CCDC12: variants seen among roughly 807,000 people sequenced by gnomAD.
The protein encoded by CCDC12 is coiled-coil domain containing 12.
In CCDC12, 28 loss-of-function variants were observed where a neutral mutation model predicts 25.7. The ratio of observed to expected loss-of-function variants is 1.09; its 90% CI spans 0.81 to 1.50. CCDC12 has a LOEUF of 1.50. CCDC12 is among the 40% of genes most tolerant of loss of function. CCDC12 has a pLI of 0.00. For missense variants in CCDC12, 198 were observed against 210.0 expected (o/e 0.94, Z 0.35); for synonymous variants, 75 against 87.7 (o/e 0.86, Z 0.81).
intron 1 of CCDC12, among the ~76,000 whole-genome samples, chr3:46,948,852 T>C (rs2034006475): frequency 6.6e-6 from 1 of 152,222 alleles, no homozygotes; most frequent in African/African-American, 2.4e-5. Flanking sequence ...CTATTCTTGC[T>C]GCAAGTGCTC....
upstream of CCDC12, among the ~76,000 whole-genome samples, chr3:46,980,789 A>C (rs2035276475): frequency 1.3e-5 from 2 of 152,118 alleles, no homozygotes; most frequent in African/African-American, 4.8e-5. Flanking sequence ...TTCTGTACCC[A>C]CAGCAGGGAG....
rs537347046 is a variant in CCDC12 at position 46,963,882 on chromosome 3, T to C, written c.96+12755A>G. ...CAGCCTCTGCTCGGCCGCCACCCCATCTGGGAAGTGAGGAGCATCTCTGCC... is the reference window on the plus strand; with the variant it reads ...CAGCCTCTGCTCGGCCGCCACCCCACCTGGGAAGTGAGGAGCATCTCTGCC... On this transcript the variant is annotated intron_variant, in intron 1 of 6. Transcript: ENST00000683445. 5.1e-3 allele frequency among the ~76,000 whole-genome samples: 779 copies of C among 152,330 alleles called. 4 individuals are homozygous for C. Among genetic ancestry groups the C allele is most frequent in the African/African-American group, 0.018 (746 of 41,568 alleles).
chr3:46,935,033 G>A (rs2033388619), intron 2 of CCDC12, among the ~76,000 whole-genome samples: 1 of 152,264 alleles, frequency 6.6e-6, no homozygotes, highest in African/African-American at 2.4e-5. Flanking sequence ...GGACTCAAGG[G>A]TTTGGGCACT....
At chr3:46,965,190 T>G (rs1424336945) in intron 1 of CCDC12, among the ~76,000 whole-genome samples, 3 of 152,220 alleles carry the variant, frequency 2.0e-5, no homozygotes, top group Non-Finnish European at 4.4e-5. Context: ...CAAATTCTTT[T>G]GTTGCAAAAG....
rs568157356 is a variant in CCDC12, at chr3:46,927,214, G to A, written c.165-1679C>T. On this transcript the variant is annotated intron_variant, in intron 2 of 6. Transcript: ENST00000683445. ...AGAAGGCCCAGAGATACCCCACCCCGTCCCCCATCCTTGAACACCTGCCTC... is the reference window on the plus strand; with the variant it reads ...AGAAGGCCCAGAGATACCCCACCCCATCCCCCATCCTTGAACACCTGCCTC... Among the ~76,000 whole-genome samples the A allele has an allele frequency of 3.5e-4, 54 of 152,176 alleles. No individual in the cohort carries two copies. The South Asian group carries it at 0.01, about 29-fold the overall frequency.
intron 1 of CCDC12, among the ~76,000 whole-genome samples, chr3:46,967,528 C>T (rs1278813765): frequency 6.6e-6 from 1 of 152,204 alleles, no homozygotes; most frequent in African/African-American, 2.4e-5. Context: ...CCTCCATCCC[C>T]GTCTCAGAAC....
chr3:46,976,416 C>T lies in CCDC12; in HGVS notation c.96+221G>A, dbSNP rs1259668056. Reference sequence around the variant, plus strand: ...GGGTCGCTGACCACTGCCTTGCCCACCCCCGCGCATGCGCGACGACCGCAC... The same window carrying T: ...GGGTCGCTGACCACTGCCTTGCCCATCCCCGCGCATGCGCGACGACCGCAC... On this transcript the variant is annotated intron_variant, in intron 1 of 6. Coordinates refer to ENST00000683445, the MANE Select transcript of CCDC12 (RefSeq NM_001277074.2). The T allele has an allele frequency of 4.9e-6, 7 of 1,416,348 alleles. No homozygotes were observed. The African/African-American group carries it at 1.0e-4, about 20-fold the overall frequency. The allele number at this position is 1,416,348 out of a possible 1,614,324, so 87.7% of individuals were successfully genotyped here.
intron 3 of CCDC12, chr3:46,925,073 T>C (rs1459840426): frequency 1.1e-5 from 4 of 376,246 alleles, no homozygotes; most frequent in South Asian, 6.1e-5. Flanking sequence ...GACTGGCCCC[T>C]GTCTCTGACC....
chr3:46,974,416 G>A (rs1433240056), intron 1 of CCDC12, among the ~76,000 whole-genome samples: 4 of 152,050 alleles, frequency 2.6e-5, no homozygotes, highest in African/African-American at 7.2e-5. Context: ...TCCTTCCCTG[G>A]CAATGGGCTC....
chr3:46,922,140 C>T lies in CCDC12; in HGVS notation c.419-1G>A. ...TCTTCCTGGCCTTTCAGCCTTTCACCTGGGATGGATGGCAGACAGAAGGGG... is the reference window on the plus strand; with the variant it reads ...TCTTCCTGGCCTTTCAGCCTTTCACTTGGGATGGATGGCAGACAGAAGGGG... On this transcript the variant is annotated splice_acceptor_variant, in intron 6 of 6. Transcript: ENST00000683445. LOFTEE classifies it high-confidence loss of function. The T allele has an allele frequency of 3.1e-6, 5 of 1,614,280 alleles. No homozygotes were observed. The highest frequency in any genetic ancestry group is 4.2e-6 in the Non-Finnish European group (5 of 1,180,048).
chr3:46,950,638 A>G (rs1215215608), intron 1 of CCDC12, among the ~76,000 whole-genome samples: 1 of 152,294 alleles, frequency 6.6e-6, no homozygotes, highest in South Asian at 2.1e-4. Context: ...ATGTAACAAC[A>G]TTCATGTGAA....
intron 1 of CCDC12, among the ~76,000 whole-genome samples, chr3:46,964,073 G>A (rs1212866936): frequency 6.6e-5 from 10 of 150,440 alleles, no homozygotes; most frequent in East Asian, 3.9e-4. Flanking sequence ...CCGCCGCCCC[G>A]TCTGGGATGT....
upstream of CCDC12, among the ~76,000 whole-genome samples, chr3:46,978,912 G>A (rs1005917828): frequency 6.6e-6 from 1 of 152,208 alleles, no homozygotes; most frequent in Non-Finnish European, 1.5e-5. Context: ...GAACCCAGGA[G>A]GCGGAGATTG....
At chr3:46,977,265 G>C (rs1471484633), upstream of CCDC12, among the ~76,000 whole-genome samples, 1 of 152,180 alleles carries the variant, frequency 6.6e-6, no homozygotes, top group Non-Finnish European at 1.5e-5. Context: ...ACGAGGTCAG[G>C]AGATGGAGAC....
intron 1 of CCDC12, among the ~76,000 whole-genome samples, chr3:46,960,355 C>T (rs995062179): frequency 7.2e-5 from 11 of 152,230 alleles, no homozygotes; most frequent in Admixed American, 5.2e-4. Flanking sequence ...GTCATGGACT[C>T]CTGGGCCCAG....
chr3:46,932,434 C>T (rs1027656582), intron 2 of CCDC12, among the ~76,000 whole-genome samples: 20 of 152,198 alleles, frequency 1.3e-4, no homozygotes, highest in Non-Finnish European at 2.4e-4. Flanking sequence ...TTTAAAGAGC[C>T]CAGTGGCTTC....
intron 1 of CCDC12, among the ~76,000 whole-genome samples, chr3:46,942,952 T>C (rs1189459026): frequency 1.3e-5 from 2 of 151,486 alleles, no homozygotes; most frequent in East Asian, 3.9e-4. Context: ...AGCATGCAGG[T>C]GACTGGGGTT....
chr3:46,979,804 G>A (rs2035175164), upstream of CCDC12: 1 of 393,820 alleles, frequency 2.5e-6, no homozygotes, highest in Non-Finnish European at 4.5e-6. Flanking sequence ...CAACCGGCGG[G>A]CGGCGCGGAG....
chr3:46,968,208 G>C (rs1184250288), intron 1 of CCDC12, among the ~76,000 whole-genome samples: 1 of 152,108 alleles, frequency 6.6e-6, no homozygotes, highest in Non-Finnish European at 1.5e-5. Flanking sequence ...AGGAAGAACG[G>C]GCACTCACAC....
Sources: gnomAD v4.1 joint callset for allele counts (sites outside exome capture counted in the v4.1 genomes callset) on GRCh38, gnomAD v4.1.1 for gene constraint, MANE v1.5 for transcripts, NCBI Gene and HGNC (gene_info 2026-07-23, HGNC 2026-07-21) for gene names.